FAM162A: variants seen among roughly 807,000 people sequenced by gnomAD.
FAM162A encodes family with sequence similarity 162 member A.
FAM162A carries 23 observed loss-of-function variants against 21.8 expected under a neutral mutation model. The ratio of observed to expected loss-of-function variants is 1.05; its 90% CI spans 0.76 to 1.49. FAM162A has a LOEUF of 1.49. Among genes scored for constraint, FAM162A ranks in the 40% most tolerant of loss-of-function variants. FAM162A has a pLI of 0.00. For missense variants in FAM162A, 165 were observed against 186.4 expected (o/e 0.89, Z 0.67); for synonymous variants, 53 against 61.3 (o/e 0.86, Z 0.64).
intron 3 of FAM162A, among the ~76,000 whole-genome samples, chr3:122,405,111 C>G (rs1404325905): frequency 6.6e-6 from 1 of 152,210 alleles, no homozygotes; most frequent in African/African-American, 2.4e-5. Context: ...GTGCCCTAGC[C>G]TCATGTTAAA....
rs542636846 is a variant in FAM162A at position 122,391,577 on chromosome 3, G to A, written c.34+7278G>A. On this transcript the variant is annotated intron_variant, in intron 1 of 4. Transcript: ENST00000477892. Reference sequence around the variant, plus strand: ...CAATATGAAGTTGTAGTAAGAAAAAGTTGGGAGATACAGTCTGATCTAGGT... The same window carrying A: ...CAATATGAAGTTGTAGTAAGAAAAAATTGGGAGATACAGTCTGATCTAGGT... Among the ~76,000 whole-genome samples, 56 of 152,330 alleles carry A rather than the reference G, an allele frequency of 3.7e-4. No homozygotes were observed. In the South Asian group the frequency reaches 7.9e-3, roughly 21 times the overall value.
intron 1 of FAM162A, among the ~76,000 whole-genome samples, chr3:122,399,888 G>A (rs1463427496): frequency 2.0e-5 from 3 of 152,040 alleles, no homozygotes; most frequent in Non-Finnish European, 4.4e-5. Flanking sequence ...CGGATCACCT[G>A]AGGTCAGGAG....
rs1181477997 is a variant in FAM162A, at chr3:122,384,375, C to G, written c.34+76C>G. 4.6e-6 allele frequency: 7 copies of G among 1,513,690 alleles called. No individual in the cohort carries two copies. The African/African-American group carries it at 9.7e-5, about 21-fold the overall frequency. 93.8% of individuals were successfully genotyped at this position (1,513,690 alleles called of 1,614,324 possible). On this transcript the variant is annotated intron_variant, in intron 1 of 4. Coordinates refer to ENST00000477892, the MANE Select transcript of FAM162A (RefSeq NM_014367.4). ...CGGGTGGGGGAATCCTGAAGCCTTC[C>G]TGGGCCCCGGAGTGGCTCCATTCCA...
intron 1 of FAM162A, among the ~76,000 whole-genome samples, chr3:122,392,563 C>A (rs1430345213): frequency 6.6e-6 from 1 of 152,204 alleles, no homozygotes; most frequent in Admixed American, 6.5e-5. Flanking sequence ...ACCAGCATAG[C>A]AGCATCACCT....
rs1177920766 is a variant in FAM162A, at chr3:122,412,045, A to G, written c.*2214A>G. 1 of 152,188 alleles carries G rather than the reference A, an allele frequency of 6.6e-6. No homozygotes were observed. The highest frequency in any genetic ancestry group is 1.5e-5 in the Non-Finnish European group (1 of 68,040). 9.4% of individuals were successfully genotyped at this position (152,188 alleles called of 1,614,324 possible). ...GCCCCTAACTAATCCTACTTCTCCC[A>G]GTACCCTTACAGCACTCCTACCCTA... is the stretch of plus-strand genomic sequence containing the variant. On this transcript the variant is annotated 3_prime_UTR_variant, in exon 5 of 5. Coordinates refer to ENST00000477892, the MANE Select transcript of FAM162A (RefSeq NM_014367.4).
chr3:122,393,506 T>G (rs2075613465), intron 1 of FAM162A, among the ~76,000 whole-genome samples: 1 of 152,206 alleles, frequency 6.6e-6, no homozygotes, highest in Admixed American at 6.5e-5. Context: ...TTGCAGGCAC[T>G]GAAGAAGGCA....
At chr3:122,401,629 G>T in intron 1 of FAM162A, 3 of 882,650 alleles carry the variant, frequency 3.4e-6, no homozygotes, top group Non-Finnish European at 2.9e-6. Context: ...GATTAAAATA[G>T]TATATATCTA....
At chr3:122,391,547 G>A (rs554286261) in intron 1 of FAM162A, among the ~76,000 whole-genome samples, 2 of 152,324 alleles carry the variant, frequency 1.3e-5, no homozygotes, top group South Asian at 4.1e-4. Context: ...AAAGTTATTA[G>A]CATACAATAT....
At chr3:122,397,230 A>C (rs781097788) in intron 1 of FAM162A, among the ~76,000 whole-genome samples, 64 of 152,244 alleles carry the variant, frequency 4.2e-4, no homozygotes, top group Non-Finnish European at 7.9e-4. Context: ...CAAGGGGGGA[A>C]AAGTAAGGAA....
At chr3:122,402,505 CTTAT>C (rs2075657476) in intron 1 of FAM162A, among the ~76,000 whole-genome samples, 1 of 152,068 alleles carries the variant, frequency 6.6e-6, no homozygotes, top group South Asian at 2.1e-4. Context: ...GTGGGAAGTA[CTTAT>C]TTAAAATTTA....
intron 1 of FAM162A, among the ~76,000 whole-genome samples, chr3:122,397,686 A>G (rs1200546679): frequency 6.6e-6 from 1 of 152,140 alleles, no homozygotes; most frequent in African/African-American, 2.4e-5. Context: ...GATCAAAACT[A>G]TTTCTGGTTG....
chr3:122,396,477 T>C (rs1016094049), intron 1 of FAM162A, among the ~76,000 whole-genome samples: 14 of 152,186 alleles, frequency 9.2e-5, no homozygotes, highest in African/African-American at 3.1e-4. Context: ...GGGACAGTTA[T>C]AATCAAAAAG....
In FAM162A at chr3:122,402,799, C is replaced by T; in HGVS notation, c.74C>T (p.Ser25Phe). The T allele has an allele frequency of 6.2e-7, 1 of 1,602,320 alleles. No homozygotes were observed. Among genetic ancestry groups the T allele is most frequent in the Non-Finnish European group, 8.5e-7 (1 of 1,174,836 alleles). Residue 25 changes from serine (S) to phenylalanine (F), a missense_variant, in exon 2 of 5, where the codon TCT becomes TTT. Transcript: ENST00000477892. ...FRLCERDVSS[S>F]LRLTRSSDLK... is the part of the protein sequence containing the mutation. ...TTATGTGAAAGAGATGTTTCCTCATCTCTAAGGCTTACCAGAAGCTCTGAT... is the reference window on the plus strand; with the variant it reads ...TTATGTGAAAGAGATGTTTCCTCATTTCTAAGGCTTACCAGAAGCTCTGAT...
intron 1 of FAM162A, among the ~76,000 whole-genome samples, chr3:122,400,505 G>T (rs1035502054): frequency 1.3e-5 from 2 of 152,090 alleles, no homozygotes; most frequent in South Asian, 2.1e-4. Context: ...ATGTATCCTA[G>T]AACTTAAATA....
Position 122,410,561 on chromosome 3 carries a change from A to G in FAM162A, c.*730A>G, listed in dbSNP as rs2075700312. On this transcript the variant is annotated 3_prime_UTR_variant, in exon 5 of 5. Coordinates refer to ENST00000477892, the MANE Select transcript of FAM162A (RefSeq NM_014367.4). ...TGTTAGAAGTATTTGCACCTCATATATATCTCATTTACAGTTTGACCTTGG... is the reference window on the plus strand; with the variant it reads ...TGTTAGAAGTATTTGCACCTCATATGTATCTCATTTACAGTTTGACCTTGG... 1 of 152,304 alleles carries G rather than the reference A, an allele frequency of 6.6e-6. No individual in the cohort carries two copies. Among genetic ancestry groups the G allele is most frequent in the Non-Finnish European group, 1.5e-5 (1 of 68,124 alleles). The allele number at this position is 152,304 out of a possible 1,614,324, so 9.4% of individuals were successfully genotyped here.
intron 1 of FAM162A, among the ~76,000 whole-genome samples, chr3:122,388,459 AT>A (rs1270522174): frequency 2.6e-5 from 4 of 152,210 alleles, no homozygotes. Context: ...AGATAAAGAT[AT>A]GGGAGCAATT....
intron 1 of FAM162A, among the ~76,000 whole-genome samples, chr3:122,401,839 TTAAGTTCC>T (rs2075655031): frequency 6.6e-6 from 1 of 152,212 alleles, no homozygotes; most frequent in Non-Finnish European, 1.5e-5. Context: ...GATAATTTGT[TTAAGTTCC>T]TTATAGAGCT....
At chr3:122,406,469 ACTCTT>A (rs1436224623) in intron 3 of FAM162A, among the ~76,000 whole-genome samples, 6 of 152,258 alleles carry the variant, frequency 3.9e-5, no homozygotes, top group African/African-American at 1.4e-4. Context: ...TGGCCTTTAG[ACTCTT>A]CTATATTAAG....
Position 122,412,204 on chromosome 3 carries a change from T to C in FAM162A, c.*2373T>C, listed in dbSNP as rs1453566212. 3 of 152,234 alleles carry C rather than the reference T, an allele frequency of 2.0e-5. No individual in the cohort carries two copies. Among genetic ancestry groups the C allele is most frequent in the Non-Finnish European group, 4.4e-5 (3 of 68,038 alleles). 9.4% of individuals were successfully genotyped at this position (152,234 alleles called of 1,614,324 possible). A position where few individuals can be genotyped will look rare whatever the true frequency, so the allele number is the denominator to read the frequency against. Reference sequence around the variant, plus strand: ...TGCTTTCAGTTAAATTATTGTGCTATTTTTTGCTTAATTTCTAGGTTTTTT... The same window carrying C: ...TGCTTTCAGTTAAATTATTGTGCTACTTTTTGCTTAATTTCTAGGTTTTTT... On this transcript the variant is annotated 3_prime_UTR_variant, in exon 5 of 5. Coordinates refer to ENST00000477892, the MANE Select transcript of FAM162A (RefSeq NM_014367.4).
Sources: allele counts gnomAD v4.1 joint callset (sites outside exome capture counted in the v4.1 genomes callset), GRCh38; gene constraint gnomAD v4.1.1; transcripts MANE v1.5; gene names NCBI Gene and HGNC (gene_info 2026-07-23, HGNC 2026-07-21).